RP1: variants seen among roughly 807,000 people sequenced by gnomAD.
RP1 encodes the protein oxygen-regulated protein 1.
Under a neutral mutation model 14.8 loss-of-function variants are expected in RP1, and 16 were observed. The observed-to-expected ratio is 1.08, with a 90% CI of 0.73 to 1.65. The LOEUF (loss-of-function observed/expected upper bound fraction) is 1.65, where lower values mean the gene tolerates loss of function less well. Among genes scored for constraint, RP1 ranks in the 40% most tolerant of loss-of-function variants. The pLI is 0.00. For synonymous variants in RP1, 876 were observed against 883.6 expected (o/e 0.99, Z 0.15); for missense variants, 2,631 against 2,535.0 (o/e 1.04, Z -0.81).
At chr8:54,657,048 G>A (rs1465153549) in intron 6 of RP1, among the ~76,000 whole-genome samples, 1 of 152,224 alleles carries the variant, frequency 6.6e-6, no homozygotes, top group East Asian at 1.9e-4. Context: ...TAAATAAGGT[G>A]TGATCACTTT....
intron 3 of RP1, among the ~76,000 whole-genome samples, chr8:54,646,261 T>C (rs1806547810): frequency 6.6e-6 from 1 of 151,982 alleles, no homozygotes; most frequent in African/African-American, 2.4e-5. Flanking sequence ...TGGCTTCTTA[T>C]TGTTCTCTTC....
intron 23 of RP1, among the ~76,000 whole-genome samples, chr8:54,780,063 C>G (rs1213665595): frequency 2.0e-5 from 3 of 152,198 alleles, no homozygotes; most frequent in Non-Finnish European, 4.4e-5. Context: ...TTGCAGACAT[C>G]TGAAGAGATA....
At chr8:54,782,981 G>T (rs1553764) in intron 23 of RP1, among the ~76,000 whole-genome samples, 1 of 151,922 alleles carries the variant, frequency 6.6e-6, no homozygotes. Context: ...ACCTATTTAT[G>T]CAGTACAGCA....
intron 23 of RP1, among the ~76,000 whole-genome samples, chr8:54,782,289 C>T (rs1810208188): frequency 6.6e-6 from 1 of 152,092 alleles, no homozygotes; most frequent in Admixed American, 6.6e-5. Context: ...GTACTGGGTC[C>T]ATCTTTCTTA....
intron 24 of RP1, among the ~76,000 whole-genome samples, chr8:54,810,185 G>T (rs548141761): frequency 1.0e-3 from 155 of 152,182 alleles, no homozygotes; most frequent in African/African-American, 3.5e-3. Context: ...GAATAAAAAA[G>T]ATACTAAACA....
chr8:54,626,776 G>T lies in RP1; in HGVS notation c.2894G>T (p.Ser965Ile), dbSNP rs201110322. The T allele has an allele frequency of 6.4e-4, 1,038 of 1,613,804 alleles. 19 individuals carry two copies. The East Asian group carries it at 0.023, about 35-fold the overall frequency. The change falls in exon 4 of 4, where the codon AGT becomes ATT. Residue 965 changes from serine (S) to isoleucine (I), a missense_variant. By Grantham distance (142) the Ser-to-Ile change is moderately radical (BLOSUM62 -2). Transcript: ENST00000220676. The part of the protein sequence containing the change: ...NDPHTNSGKI[S>I]NFVMESNKHI... ...CCCCATACAAATTCTGGAAAAATAA[G>T]TAATTTTGTTATGGAAAGTAATAAG...
chr8:54,801,933 G>A (rs939548015), intron 24 of RP1, among the ~76,000 whole-genome samples: 6 of 152,286 alleles, frequency 3.9e-5, no homozygotes, highest in South Asian at 4.1e-4. Context: ...TGTTGTAAAA[G>A]TGACTCTGTC....
chr8:54,825,942 C>T (rs1208408097), intron 24 of RP1, among the ~76,000 whole-genome samples: 2 of 152,006 alleles, frequency 1.3e-5, no homozygotes, highest in African/African-American at 4.8e-5. Context: ...ATGGCTTGCA[C>T]CTGTAGTCCT....
intron 1 of RP1, among the ~76,000 whole-genome samples, chr8:54,602,682 A>T (rs891040812): frequency 1.3e-5 from 2 of 152,138 alleles, no homozygotes; most frequent in Non-Finnish European, 2.9e-5. Context: ...ATTTCTCCAC[A>T]TCCTCTCCAG....
chr8:54,623,561 G>T (rs1321739723), intron 3 of RP1, among the ~76,000 whole-genome samples: 1 of 151,846 alleles, frequency 6.6e-6, no homozygotes, highest in African/African-American at 2.4e-5. Flanking sequence ...GCCTCCCAAA[G>T]TGCTGGGATT....
intron 19 of RP1, among the ~76,000 whole-genome samples, chr8:54,748,237 T>C (rs1740533186): frequency 6.6e-6 from 1 of 152,220 alleles, no homozygotes; most frequent in Non-Finnish European, 1.5e-5. Flanking sequence ...CAGTTACTTC[T>C]TCACTTCAGG....
chr8:54,635,040 C>T (rs396859), downstream of RP1, among the ~76,000 whole-genome samples: 37,581 of 150,814 alleles, frequency 0.25, 5,065 homozygotes, highest in East Asian at 0.42. Flanking sequence ...CGAGATGGTG[C>T]CACTGCACTC....
At chr8:54,716,783 T>A (rs1808415130) in intron 15 of RP1, among the ~76,000 whole-genome samples, 1 of 152,172 alleles carries the variant, frequency 6.6e-6, no homozygotes, top group Non-Finnish European at 1.5e-5. Context: ...TTTCTCAGAC[T>A]CCCTCCTTGA....
chr8:54,664,440 A>C (rs1019274663), intron 7 of RP1, among the ~76,000 whole-genome samples: 3 of 152,096 alleles, frequency 2.0e-5, no homozygotes, highest in Non-Finnish European at 4.4e-5. Flanking sequence ...ATCATATGGT[A>C]GTTTGTTTTT....
intron 24 of RP1, among the ~76,000 whole-genome samples, chr8:54,792,562 A>G (rs1810491456): frequency 6.6e-6 from 1 of 151,946 alleles, no homozygotes; most frequent in Non-Finnish European, 1.5e-5. Flanking sequence ...AAAAAATTGG[A>G]AGATTTACAA....
intron 3 of RP1, among the ~76,000 whole-genome samples, chr8:54,641,139 G>C (rs964850292): frequency 6.6e-6 from 1 of 151,902 alleles, no homozygotes; most frequent in African/African-American, 2.4e-5. Context: ...TAGAGACGGG[G>C]TTTCACTGTG....
At chr8:54,641,680 C>T (rs1011026241) in intron 3 of RP1, among the ~76,000 whole-genome samples, 1 of 152,028 alleles carries the variant, frequency 6.6e-6, no homozygotes, top group African/African-American at 2.4e-5. Flanking sequence ...CATGAGAATG[C>T]GTGGTCTAAT....
intron 1 of RP1, among the ~76,000 whole-genome samples, chr8:54,607,353 A>G (rs1214289378): frequency 6.6e-6 from 1 of 152,196 alleles, no homozygotes; most frequent in African/African-American, 2.4e-5. Context: ...AGGCTACAGA[A>G]CAGTGGATAT....
chr8:54,567,544 C>T (rs1804435419), intron 1 of RP1, among the ~76,000 whole-genome samples: 1 of 151,974 alleles, frequency 6.6e-6, no homozygotes, highest in Admixed American at 6.6e-5. Context: ...AATACTACTA[C>T]TGGTTTTGAG....
Sources: allele counts gnomAD v4.1 joint callset (sites outside exome capture counted in the v4.1 genomes callset), GRCh38; gene constraint gnomAD v4.1.1; transcripts MANE v1.5; gene names NCBI Gene and HGNC (gene_info 2026-07-23, HGNC 2026-07-21).